Variants in WWTR1 observed in about 807,000 individuals in gnomAD.
WWTR1 encodes WW domain containing transcription regulator 1, also known as WW domain-containing transcription regulator protein 1.
Under a neutral mutation model 40.1 loss-of-function variants are expected in WWTR1, and 13 were observed. That is an observed-to-expected ratio of 0.32 (90% CI 0.21 to 0.52). The LOEUF is 0.52. Among genes scored for constraint, WWTR1 ranks in the 20% least tolerant of loss-of-function variants. The pLI is 0.97. For synonymous variants in WWTR1, 230 were observed against 210.1 expected, an observed-to-expected ratio of 1.09 and a Z score of -0.82; for missense variants, 436 against 523.1, an observed-to-expected ratio of 0.83 and a Z score of 1.63.
At chr3:149,669,013 T>C (rs1050788983) in intron 2 of WWTR1, among the ~76,000 whole-genome samples, 13 of 152,200 alleles carry the variant, frequency 8.5e-5, no homozygotes, top group South Asian at 2.1e-4. Flanking sequence ...CACAAGCCAT[T>C]GGCGTGGGAG....
At chr3:149,719,172 T>C (rs950999713) in intron 4 of WWTR1, among the ~76,000 whole-genome samples, 5 of 150,540 alleles carry the variant, frequency 3.3e-5, no homozygotes, top group Non-Finnish European at 7.4e-5. Context: ...TTTTCTTTTT[T>C]TTTTTTTCTT....
Position 149,527,860 on chromosome 3 carries a change from T to C in WWTR1, c.881A>G (p.Asn294Ser), listed in dbSNP as rs75342498. 5.3e-4 allele frequency: 857 copies of C among 1,614,104 alleles called. 3 individuals are homozygous for C. Among genetic ancestry groups the C allele is most frequent in the Non-Finnish European group, 7.0e-4 (830 of 1,180,014 alleles). The change falls in exon 5 of 7, where the codon AAT (asparagine) becomes AGT (serine). Residue 294 changes from asparagine to serine, a missense_variant. By Grantham distance (46) the Asn-to-Ser change is conservative. Transcript: ENST00000360632. Reference protein sequence around the residue: ...MTPDMRSITNNSSDPFLNGGP... With the variant: ...MTPDMRSITNSSSDPFLNGGP... ...CCCATTGAGGAAAGGATCTGAGCTA[T>C]TATTAGTGATGGATCTCATGTCTGG...
intron 2 of WWTR1, among the ~76,000 whole-genome samples, chr3:149,617,935 AAAC>A (rs1576600152): frequency 6.6e-6 from 1 of 152,354 alleles, no homozygotes; most frequent in South Asian, 2.1e-4. Flanking sequence ...GGCTAAAAGA[AAAC>A]AACGTTATTA....
At chr3:149,561,769 G>C (rs1002167643) in intron 3 of WWTR1, among the ~76,000 whole-genome samples, 1 of 152,164 alleles carries the variant, frequency 6.6e-6, no homozygotes, top group Non-Finnish European at 1.5e-5. Context: ...GATATGTTAA[G>C]TTTTAAAAAG....
At chr3:149,590,646 CA>C (rs1234892034) in intron 2 of WWTR1, among the ~76,000 whole-genome samples, 1 of 151,726 alleles carries the variant, frequency 6.6e-6, no homozygotes, top group African/African-American at 2.4e-5. Context: ...GACTCCGTCT[CA>C]AAAAAAAGAT....
intron 4 of WWTR1, among the ~76,000 whole-genome samples, chr3:149,535,805 G>A (rs1029963626): frequency 1.3e-5 from 2 of 152,092 alleles, no homozygotes; most frequent in Admixed American, 6.5e-5. Flanking sequence ...TTGAGGCCAG[G>A]AGTTCGAGAC....
chr3:149,534,647 T>C (rs558549609), intron 4 of WWTR1, among the ~76,000 whole-genome samples: 20 of 152,288 alleles, frequency 1.3e-4, no homozygotes, highest in African/African-American at 4.6e-4. Context: ...AGGGCACTTT[T>C]CAGAAGGAAA....
chr3:149,567,274 G>A (rs73155007), intron 3 of WWTR1, among the ~76,000 whole-genome samples: 14,030 of 152,100 alleles, frequency 0.092, 857 homozygotes, highest in Middle Eastern at 0.14. Flanking sequence ...TTAAGTTGTT[G>A]CATGTTTTCA....
At chr3:149,640,293 CTATT>C (rs1199276311) in intron 2 of WWTR1, among the ~76,000 whole-genome samples, 1 of 152,152 alleles carries the variant, frequency 6.6e-6, no homozygotes, top group East Asian at 1.9e-4. Context: ...ACAATTGAAA[CTATT>C]TATCAGATCC....
chr3:149,659,075 G>C (rs1317755383), upstream of WWTR1, among the ~76,000 whole-genome samples: 2 of 152,188 alleles, frequency 1.3e-5, no homozygotes, highest in African/African-American at 4.8e-5. Flanking sequence ...AGTAGGAGGA[G>C]GCCTTGCCCT....
At chr3:149,628,346 GCA>G (rs1409854115) in intron 2 of WWTR1, among the ~76,000 whole-genome samples, 1 of 152,226 alleles carries the variant, frequency 6.6e-6, no homozygotes, top group Non-Finnish European at 1.5e-5. Flanking sequence ...TCCAGCCTGG[GCA>G]ACAGAGCGAG....
chr3:149,521,419 T>C (rs190542860), intron 6 of WWTR1, among the ~76,000 whole-genome samples: 73 of 152,312 alleles, frequency 4.8e-4, no homozygotes, highest in African/African-American at 1.6e-3. Context: ...AACCAGGCTA[T>C]TAAAAAGTTG....
chr3:149,687,837 A>G (rs974268317), intron 1 of WWTR1, among the ~76,000 whole-genome samples: 2 of 152,072 alleles, frequency 1.3e-5, no homozygotes, highest in African/African-American at 4.8e-5. Flanking sequence ...CCTGGATGGC[A>G]TTTGTAGATC....
At chr3:149,674,089 G>A (rs528141010) in intron 1 of WWTR1, among the ~76,000 whole-genome samples, 24 of 146,200 alleles carry the variant, frequency 1.6e-4, no homozygotes, top group African/African-American at 4.1e-4. Flanking sequence ...CATGGTAGGC[G>A]CAGGCCTGTA....
At chr3:149,602,944 G>A (rs1739306488) in intron 2 of WWTR1, among the ~76,000 whole-genome samples, 1 of 151,996 alleles carries the variant, frequency 6.6e-6, no homozygotes, top group Non-Finnish European at 1.5e-5. Flanking sequence ...ATAGGCATGA[G>A]CCACTGTGCC....
chr3:149,685,883 T>C (rs936436034), intron 1 of WWTR1, among the ~76,000 whole-genome samples: 2 of 152,168 alleles, frequency 1.3e-5, no homozygotes, highest in Non-Finnish European at 2.9e-5. Flanking sequence ...CAAAATCAAC[T>C]TGGGGTACAT....
At position 149,518,314 on chromosome 3, in the gene WWTR1, A is replaced by G. The variant is rs1051124540; in HGVS notation, c.*2491T>C. ...CTTCTAAAAATTGGTAATATAAATC[A>G]TCAATGATTTACCTACTTTAAAAAA... On this transcript the variant is annotated 3_prime_UTR_variant, in exon 7 of 7. Coordinates refer to ENST00000360632, the MANE Select transcript of WWTR1 (RefSeq NM_015472.6). 13 of 152,148 alleles carry G rather than the reference A, an allele frequency of 8.5e-5. No homozygotes were observed. The highest frequency in any genetic ancestry group is 2.9e-4 in the African/African-American group (12 of 41,458). The allele number at this position is 152,148 out of a possible 1,614,324, so 9.4% of individuals were successfully genotyped here. A position where few individuals can be genotyped will look rare whatever the true frequency, so the allele number is the denominator to read the frequency against.
chr3:149,601,413 G>C (rs1739236607), intron 2 of WWTR1, among the ~76,000 whole-genome samples: 1 of 152,158 alleles, frequency 6.6e-6, no homozygotes, highest in Admixed American at 6.5e-5. Context: ...GGCCAGGCTG[G>C]TCTGGAACTC....
intron 3 of WWTR1, among the ~76,000 whole-genome samples, chr3:149,547,826 CT>C (rs751934319): frequency 0.013 from 1,727 of 133,048 alleles, 20 homozygotes; most frequent in African/African-American, 0.034. Flanking sequence ...TTCCCTTTTT[CT>C]TTTTTTTTTT....
Sources: gnomAD v4.1 joint callset for allele counts (sites outside exome capture counted in the v4.1 genomes callset) on GRCh38, gnomAD v4.1.1 for gene constraint, MANE v1.5 for transcripts, NCBI Gene and HGNC (gene_info 2026-07-23, HGNC 2026-07-21) for gene names.